FLYWCH1: variants seen among roughly 807,000 people sequenced by gnomAD.
The protein encoded by FLYWCH1 is FLYWCH-type zinc finger 1, also known as FLYWCH-type zinc finger-containing protein 1.
A neutral mutation model predicts 66.4 loss-of-function variants in FLYWCH1; 75 were observed. The ratio of observed to expected loss-of-function variants is 1.13; its 90% CI spans 0.94 to 1.37. The LOEUF is 1.37. FLYWCH1 is among the 40% of genes most tolerant of loss of function. The pLI is 0.00. For synonymous variants in FLYWCH1, 595 were observed against 429.9 expected, an observed-to-expected ratio of 1.38 and a Z score of -4.75; for missense variants, 1,334 against 1,001.8, an observed-to-expected ratio of 1.33 and a Z score of -4.48.
chr16:2,914,669 TG>T (rs1263191310), intron 2 of FLYWCH1, among the ~76,000 whole-genome samples: 1 of 152,002 alleles, frequency 6.6e-6, no homozygotes, highest in African/African-American at 2.4e-5. Flanking sequence ...GAGGCTGAGG[TG>T]GGCAGATCAC....
rs79858399 is a variant in FLYWCH1, at chr16:2,922,099, G to A, written c.-73-7514G>A. ...TCTTAAATGGGTACATTTTGAATCA[G>A]ATAAAAATCATATTCTGAATCATGG... On this transcript the variant is annotated intron_variant, in intron 2 of 9. Coordinates refer to ENST00000253928, the MANE Select transcript of FLYWCH1 (RefSeq NM_001308068.2). Among the ~76,000 whole-genome samples, 8 of 152,240 alleles carry A rather than the reference G, an allele frequency of 5.3e-5. No homozygotes were observed. The East Asian group carries it at 1.5e-3, about 29-fold the overall frequency.
At position 2,930,607 on chromosome 16, in the gene FLYWCH1, G is replaced by T; in HGVS notation, c.523G>T (p.Ala175Ser). The T allele has an allele frequency of 6.4e-7, 1 of 1,551,884 alleles. No individual in the cohort carries two copies. The highest frequency in any genetic ancestry group is 1.2e-5 in the South Asian group (1 of 84,266). ...CACAGTGATGCGGGGCCACTGCCAC[G>T]CGCCCGATGAGCAAGGCCTGGAGGC... ...RATVMRGHCH[A>S]PDEQGLEARR... The change falls in exon 4 of 10, where the codon GCG becomes TCG. Residue 175 changes from alanine (A) to serine (S), a missense_variant. Physicochemically the swap from Ala to Ser is moderately conservative, Grantham distance 99 (BLOSUM62 1). Coordinates refer to ENST00000253928, the MANE Select transcript of FLYWCH1 (RefSeq NM_001308068.2).
chr16:2,912,371 C>G (rs1202927071), intron 1 of FLYWCH1, among the ~76,000 whole-genome samples: 3 of 151,696 alleles, frequency 2.0e-5, no homozygotes, highest in South Asian at 2.1e-4. Context: ...CCCGACACCC[C>G]CACATCAAGG....
chr16:2,946,784 A>T (rs998528499), intron 9 of FLYWCH1, among the ~76,000 whole-genome samples: 3 of 152,180 alleles, frequency 2.0e-5, no homozygotes, highest in Admixed American at 6.5e-5. Flanking sequence ...GGGAAATGCA[A>T]ATCAAGACCA....
intron 4 of FLYWCH1, 63 bp from the exon 5 acceptor site, chr16:2,933,067 G>C (rs2070827777): frequency 2.0e-5 from 28 of 1,434,270 alleles, no homozygotes; most frequent in Non-Finnish European, 2.7e-5. Context: ...CAGTCTGCAG[G>C]GGCTGTCCCT....
At chr16:2,933,044 G>C (rs889255614) in intron 4 of FLYWCH1, 86 bp from the exon 5 acceptor site, 15 of 1,199,080 alleles carry the variant, frequency 1.3e-5, no homozygotes, top group Admixed American at 7.4e-5. Context: ...AGAAAGGCTC[G>C]TGTCAGCCCC....
chr16:2,939,257 T>C (rs945244796), intron 8 of FLYWCH1, among the ~76,000 whole-genome samples: 3 of 151,936 alleles, frequency 2.0e-5, no homozygotes, highest in East Asian at 1.9e-4. Context: ...ACCATCCTGA[T>C]CAACATGGAG....
At position 2,937,338 on chromosome 16, in the gene FLYWCH1, G is replaced by T. The variant is rs753676795; in HGVS notation, c.1731G>T (p.Leu577=). The T allele has an allele frequency of 4.9e-5, 79 of 1,596,836 alleles. No homozygotes were observed. The highest frequency in any genetic ancestry group is 6.5e-5 in the Non-Finnish European group (76 of 1,171,678). The stretch of plus-strand genomic sequence containing the variant: ...CGGACCTGGGCGGCCTGGAGGCCCT[G>T]CGGCAGCGGGAGCACTTCCCCAACC... ...HPPDLGGLEA[L]RQREHFPNLA... The change falls in exon 7 of 10, where the codon CTG becomes CTT. Residue 577 remains leucine (L), a synonymous_variant. Transcript: ENST00000253928.
chr16:2,914,963 A>G (rs1024848581), intron 2 of FLYWCH1, among the ~76,000 whole-genome samples: 12 of 151,554 alleles, frequency 7.9e-5, no homozygotes, highest in Non-Finnish European at 1.5e-4. Flanking sequence ...ACATTACAAA[A>G]GAAACACATT....
chr16:2,930,131 C>G, intron 3 of FLYWCH1, 121 bp downstream of exon 3: 3 of 921,784 alleles, frequency 3.3e-6, no homozygotes, highest in Non-Finnish European at 3.2e-6. Context: ...GCCTCTTGGT[C>G]TCTGATCCTG....
intron 9 of FLYWCH1, 83 bp downstream of exon 9, chr16:2,940,175 A>G (rs1312741986): frequency 1.4e-6 from 1 of 732,970 alleles, no homozygotes; most frequent in South Asian, 1.5e-5. Flanking sequence ...TTGCTGTCTC[A>G]GCTTTTGTGG....
intron 9 of FLYWCH1, among the ~76,000 whole-genome samples, chr16:2,942,813 C>G (rs1040205771): frequency 7.0e-6 from 1 of 141,918 alleles, no homozygotes; most frequent in Non-Finnish European, 1.5e-5. Context: ...TGCAAGATCA[C>G]TGTGAGTGAT....
intron 2 of FLYWCH1, among the ~76,000 whole-genome samples, chr16:2,921,288 A>G (rs1008065414): frequency 2.0e-5 from 3 of 149,980 alleles, no homozygotes; most frequent in African/African-American, 7.6e-5. Context: ...TTTTAAGTCT[A>G]CAATTCATTG....
chr16:2,931,266 G>A (rs2070752454), intron 4 of FLYWCH1, among the ~76,000 whole-genome samples: 1 of 132,074 alleles, frequency 7.6e-6, no homozygotes, highest in African/African-American at 2.9e-5. Flanking sequence ...TCGCTCCACT[G>A]TATTCCAGCC....
At chr16:2,944,982 C>T (rs545795412) in intron 9 of FLYWCH1, among the ~76,000 whole-genome samples, 5 of 152,082 alleles carry the variant, frequency 3.3e-5, no homozygotes, top group East Asian at 3.9e-4. Context: ...ATGTGGAGGT[C>T]GAAGATGGTG....
intron 2 of FLYWCH1, among the ~76,000 whole-genome samples, chr16:2,927,286 G>A (rs1446634769): frequency 1.3e-5 from 2 of 152,192 alleles, no homozygotes; most frequent in African/African-American, 4.8e-5. Context: ...AGAAAACAGG[G>A]AGATCTTGAG....
At chr16:2,937,054 C>A (rs765193464) in intron 6 of FLYWCH1, 67 bp from the exon 7 acceptor site, 1 of 1,476,938 alleles carries the variant, frequency 6.8e-7, no homozygotes, top group Non-Finnish European at 9.0e-7. Context: ...GGTCTCATCT[C>A]GGGGCCATGC....
chr16:2,923,666 C>G (rs1388289227), intron 2 of FLYWCH1, among the ~76,000 whole-genome samples: 2 of 152,192 alleles, frequency 1.3e-5, no homozygotes, highest in Admixed American at 6.5e-5. Flanking sequence ...TTGTGTTGCA[C>G]AGCATATGGC....
Position 2,930,738 on chromosome 16 carries a change from G to C in FLYWCH1, c.654G>C (p.Gly218=). The C allele has an allele frequency of 6.4e-7, 1 of 1,555,684 alleles. No individual in the cohort carries two copies. The highest frequency in any genetic ancestry group is 8.7e-7 in the Non-Finnish European group (1 of 1,155,042). ...GCCGAGTGGAGGAGCCCCTGGAGGG[G>C]GTGGGCCCGTGGCAGTGCCCTGAGG... ...PGGRVEEPLE[G]VGPWQCPEEP... is the part of the protein sequence containing the mutation. Residue 218 remains glycine (G), a synonymous_variant, in exon 4 of 10, where the codon GGG becomes GGC. Coordinates refer to ENST00000253928, the MANE Select transcript of FLYWCH1 (RefSeq NM_001308068.2).
Sources: gnomAD v4.1 joint callset for allele counts (sites outside exome capture counted in the v4.1 genomes callset) on GRCh38, gnomAD v4.1.1 for gene constraint, MANE v1.5 for transcripts, NCBI Gene and HGNC (gene_info 2026-07-23, HGNC 2026-07-21) for gene names.